The following TTBK1 variants were observed in gnomAD, a reference collection of about 807,000 sequenced individuals.
TTBK1 encodes tau tubulin kinase 1.
Under a neutral mutation model 108.5 loss-of-function variants are expected in TTBK1, and 34 were observed. The ratio of observed to expected loss-of-function variants is 0.31; its 90% confidence interval spans 0.24 to 0.42. The LOEUF is 0.42. Among genes scored for constraint, TTBK1 ranks in the 10% least tolerant of loss-of-function variants. The pLI, the probability that TTBK1 is intolerant of heterozygous loss-of-function variation, is 1.00. For missense variants in TTBK1, 1,539 were observed against 1,826.0 expected (o/e 0.84, Z 2.86); for synonymous variants, 809 against 795.1 (o/e 1.02, Z -0.29).
intron 13 of TTBK1, among the ~76,000 whole-genome samples, chr6:43,279,997 G>GGAGCTTTCTGAGAAAGCTTTCTAAGA (rs1778111643): frequency 1.5e-5 from 2 of 133,624 alleles, no homozygotes; most frequent in Non-Finnish European, 3.5e-5. Context: ...AGCCAGGTAG[G>GGAGCTTTCTGAGAAAGCTTTCTAAGA]GAGCTTTCTG....
rs539797080 is a variant in TTBK1, at chr6:43,286,863, C to G, written c.*1487C>G. 12 of 152,448 alleles carry G rather than the reference C, an allele frequency of 7.9e-5. No individual in the cohort carries two copies. The highest frequency in any genetic ancestry group is 2.9e-4 in the African/African-American group (12 of 41,590). The allele number at this position is 152,448 out of a possible 1,614,324, so 9.4% of individuals were successfully genotyped here. On this transcript the variant is annotated 3_prime_UTR_variant, in exon 15 of 15. Coordinates refer to ENST00000259750, the MANE Select transcript of TTBK1 (RefSeq NM_032538.3). This position sits in a 1 kb window ranked among gnomAD's most constrained non-coding sequence, Gnocchi z 4.6. The stretch of plus-strand genomic sequence containing the variant: ...CTGGACAGGCCCCTGCAGCCTCTGT[C>G]CCCTGGCCTAGCCTCTCTGTCCTTC...
chr6:43,282,591 T>C lies in TTBK1; in HGVS notation c.1987-136T>C. The C allele has an allele frequency of 1.4e-6, 1 of 715,250 alleles. No individual in the cohort carries two copies. Among genetic ancestry groups the C allele is most frequent in the Non-Finnish European group, 2.4e-6 (1 of 418,728 alleles). 44.3% of individuals were successfully genotyped at this position (715,250 alleles called of 1,614,324 possible). ...GTGAACAAGACAGACCCAGTGCCTG[T>C]GCTTAACTTTATGGAGCTCACACTC... On this transcript the variant is annotated intron_variant, in intron 13 of 14. Transcript: ENST00000259750. This position sits in a 1 kb window ranked among gnomAD's most constrained non-coding sequence, Gnocchi z 5.4.
intron 12 of TTBK1, among the ~76,000 whole-genome samples, chr6:43,260,444 G>T (rs1237346559): frequency 3.3e-5 from 5 of 152,194 alleles, no homozygotes; most frequent in Non-Finnish European, 5.9e-5. Context: ...ACCAGAAAAG[G>T]GGTCTCTTCC....
At chr6:43,264,871 C>T (rs1777636415) in intron 13 of TTBK1, among the ~76,000 whole-genome samples, 2 of 152,116 alleles carry the variant, frequency 1.3e-5, no homozygotes, top group Middle Eastern at 3.2e-3. Context: ...CTGGGAGAGC[C>T]CAGTCTGGCT....
intron 12 of TTBK1, among the ~76,000 whole-genome samples, chr6:43,261,104 A>G (rs1226892775): frequency 6.6e-6 from 1 of 152,172 alleles, no homozygotes; most frequent in Non-Finnish European, 1.5e-5. Flanking sequence ...TCTCTCAAGG[A>G]TGTTTTATTT....
chr6:43,270,199 G>A, intron 13 of TTBK1: 1 of 1,327,926 alleles, frequency 7.5e-7, no homozygotes, highest in Non-Finnish European at 9.6e-7. Flanking sequence ...GAGGGGTGGG[G>A]CTGGTGGTAC....
chr6:43,285,295 AC>A lies in TTBK1; in HGVS notation c.3888del (p.Arg1297GlufsTer86). Reference protein sequence around the residue: ...TPSPGGSKKGPRGKLQAQRAT... With the variant: ...TPSPGGSKKGXRGKLQAQRAT... ...CCTCCCCCGGGGGCTCCAAGAAAGG[AC>A]CCAGAGGGAAACTCCAGGCTCAGCG... On this transcript the variant is annotated frameshift_variant, in exon 15 of 15. Transcript: ENST00000259750. LOFTEE classifies it high-confidence loss of function. The surrounding 1 kb of genome is among the most constrained non-coding windows in gnomAD (Gnocchi z 4.7). 1 of 1,292,932 alleles carries A rather than the reference AC, an allele frequency of 7.7e-7. No homozygotes were observed. Among genetic ancestry groups the A allele is most frequent in the Non-Finnish European group, 9.8e-7 (1 of 1,024,798 alleles). The allele number at this position is 1,292,932 out of a possible 1,614,324, so 80.1% of individuals were successfully genotyped here.
At position 43,257,766 on chromosome 6, in the gene TTBK1, C is replaced by G. The variant is rs778125393; in HGVS notation, c.862-46C>G. 1.9e-6 allele frequency: 3 copies of G among 1,575,618 alleles called. No individual in the cohort carries two copies. The highest frequency in any genetic ancestry group is 2.6e-6 in the Non-Finnish European group (3 of 1,155,770). On this transcript the variant is annotated intron_variant, in intron 9 of 14. Coordinates refer to ENST00000259750, the MANE Select transcript of TTBK1 (RefSeq NM_032538.3). The surrounding 1 kb of genome is among the most constrained non-coding windows in gnomAD (Gnocchi z 4.5). ...GCAACTGCCCCTTCCTCCTGGCTAG[C>G]CCCCGGATCACCTCTCTGTCCTCCC... is the stretch of plus-strand genomic sequence containing the variant.
chr6:43,272,220 G>T, intron 13 of TTBK1: 5 of 985,464 alleles, frequency 5.1e-6, no homozygotes, highest in Non-Finnish European at 4.8e-6. Flanking sequence ...CCAATCTGGG[G>T]TTGGATGAAA....
At chr6:43,258,911 C>A in intron 10 of TTBK1, 127 bp from the exon 11 acceptor site, 1 of 652,022 alleles carries the variant, frequency 1.5e-6, no homozygotes, top group Non-Finnish European at 2.6e-6. Context: ...ACACTCTCAC[C>A]CCTGACGGGA....
Position 43,273,937 on chromosome 6 carries a change from G to C in TTBK1, c.1987-8790G>C, listed in dbSNP as rs1777896170. On this transcript the variant is annotated intron_variant, in intron 13 of 14. Coordinates refer to ENST00000259750, the MANE Select transcript of TTBK1 (RefSeq NM_032538.3). The surrounding 1 kb of genome is among the most constrained non-coding windows in gnomAD (Gnocchi z 4.2). ...TCAAAGGCGACAGTGTTCTTGCCCA[G>C]GAACTCGAACCTGGCCAGTGGGGAT... 6.6e-6 allele frequency among the ~76,000 whole-genome samples: 1 copy of C among 152,186 alleles called. No homozygotes were observed. The highest frequency in any genetic ancestry group is 1.5e-5 in the Non-Finnish European group (1 of 68,040).
rs1454420838 is a variant in TTBK1, at chr6:43,259,046, A to G, written c.1025A>G (p.Asn342Ser). 6 of 1,611,904 alleles carry G rather than the reference A, an allele frequency of 3.7e-6. No homozygotes were observed. Among genetic ancestry groups the G allele is most frequent in the South Asian group, 1.1e-5 (1 of 90,834 alleles). Residue 342 changes from asparagine to serine, a missense_variant, in exon 11 of 15, where the codon AAT (asparagine) becomes AGT (serine). By Grantham distance (46) the Asn-to-Ser change is conservative. Around this residue, in one of 5 missense-constraint regions of TTBK1, gnomAD observed 277 missense variants for 332.4 expected, o/e 0.83. Coordinates refer to ENST00000259750, the MANE Select transcript of TTBK1 (RefSeq NM_032538.3). This position sits in a 1 kb window ranked among gnomAD's most constrained non-coding sequence, Gnocchi z 6.7. ...RQTAAMFGVV[N>S]VTPVPGDLLR... ...CCTCCTGCCCTCTCCAGGGTGGTCA[A>G]TGTGACGCCAGTGCCTGGGGACCTG...
At position 43,284,042 on chromosome 6, in the gene TTBK1, T is replaced by C; in HGVS notation, c.3302T>C (p.Leu1101Pro). 2 of 1,551,428 alleles carry C rather than the reference T, an allele frequency of 1.3e-6. No homozygotes were observed. The highest frequency in any genetic ancestry group is 1.7e-6 in the Non-Finnish European group (2 of 1,146,898). ...RLVMEKRQGR[L>P]LLRLASGASS... Reference sequence around the variant, plus strand: ...GTGATGGAGAAGAGGCAGGGCCGCCTGCTGTTGCGGCTGGCCTCAGGGGCC... The same window carrying C: ...GTGATGGAGAAGAGGCAGGGCCGCCCGCTGTTGCGGCTGGCCTCAGGGGCC... Residue 1101 changes from leucine (L) to proline (P), a missense_variant, in exon 14 of 15, where the codon CTG (leucine) becomes CCG (proline). Physicochemically the swap from Leu to Pro is moderately conservative, Grantham distance 98. This residue lies in a region of TTBK1 where 1,055 missense variants were observed against 1,086.5 expected (regional missense o/e 0.97). Transcript: ENST00000259750.
In TTBK1 at chr6:43,263,372, A is replaced by C; in HGVS notation, c.1986+22A>C. On this transcript the variant is annotated intron_variant, in intron 13 of 14. Coordinates refer to ENST00000259750, the MANE Select transcript of TTBK1 (RefSeq NM_032538.3). The surrounding 1 kb of genome is among the most constrained non-coding windows in gnomAD (Gnocchi z 4.7). ...ACAGGTAAGGTTGGGCTTGCACCCCACTCCCCATCTCCAGATGCCCAGAGT... is the reference window on the plus strand; with the variant it reads ...ACAGGTAAGGTTGGGCTTGCACCCCCCTCCCCATCTCCAGATGCCCAGAGT... 6.9e-7 allele frequency: 1 copy of C among 1,445,084 alleles called. No individual in the cohort carries two copies. Among genetic ancestry groups the C allele is most frequent in the Non-Finnish European group, 9.1e-7 (1 of 1,095,028 alleles). 89.5% of individuals were successfully genotyped at this position (1,445,084 alleles called of 1,614,324 possible).
At position 43,271,144 on chromosome 6, in the gene TTBK1, G is replaced by A. The variant is rs1221269487; in HGVS notation, c.1986+7794G>A. 26 of 985,378 alleles carry A rather than the reference G, an allele frequency of 2.6e-5. No homozygotes were observed. The South Asian group carries it at 3.8e-4, about 14-fold the overall frequency. The allele number at this position is 985,378 out of a possible 1,614,324, so 61.0% of individuals were successfully genotyped here. On this transcript the variant is annotated intron_variant, in intron 13 of 14. Coordinates refer to ENST00000259750, the MANE Select transcript of TTBK1 (RefSeq NM_032538.3). ...GCACCTCTGTTCCCCTGGGGAATGC[G>A]GTAGTAGTGAAGTGGGTACTAGAAA... is the stretch of plus-strand genomic sequence containing the variant.
rs1778385806 is a variant in TTBK1 at position 43,286,476 on chromosome 6, C to T, written c.*1100C>T. ...TGGGGTCACCCTCCCTGTCCTCCCG[C>T]CTGTGGGAGGGAGGGAGGGCTGGCT... On this transcript the variant is annotated 3_prime_UTR_variant, in exon 15 of 15. Coordinates refer to ENST00000259750, the MANE Select transcript of TTBK1 (RefSeq NM_032538.3). This position sits in a 1 kb window ranked among gnomAD's most constrained non-coding sequence, Gnocchi z 4.6. The T allele has an allele frequency of 6.6e-6, 1 of 152,628 alleles. No individual in the cohort carries two copies. Among genetic ancestry groups the T allele is most frequent in the African/African-American group, 2.4e-5 (1 of 41,438 alleles). 9.5% of individuals were successfully genotyped at this position (152,628 alleles called of 1,614,324 possible).
intron 6 of TTBK1, 85 bp downstream of exon 6, chr6:43,254,736 C>A: frequency 7.8e-7 from 1 of 1,281,994 alleles, no homozygotes; most frequent in Non-Finnish European, 1.1e-6. Flanking sequence ...TTTCTTACAG[C>A]TGCCTAAGCT....
chr6:43,267,198 G>A (rs746550233), intron 13 of TTBK1, among the ~76,000 whole-genome samples: 4 of 152,208 alleles, frequency 2.6e-5, no homozygotes, highest in Admixed American at 6.5e-5. Context: ...GGGTGAAGCA[G>A]AGATCTTCCT....
Position 43,255,775 on chromosome 6 carries a change from G to A in TTBK1, c.780G>A (p.Leu260=). The change falls in exon 9 of 15, where the codon CTG becomes CTA. Residue 260 remains leucine (L), a synonymous_variant. Transcript: ENST00000259750. ...MIKEKYEHRM[L]LKHMPSEFHL... is the part of the protein sequence containing the mutation. ...AGGAGAAGTATGAGCACCGGATGCT[G>A]CTGAAGCACATGCCGTCAGAGTTCC... 1 of 1,614,162 alleles carries A rather than the reference G, an allele frequency of 6.2e-7. No individual in the cohort carries two copies. The highest frequency in any genetic ancestry group is 8.5e-7 in the Non-Finnish European group (1 of 1,180,042).
Sources: allele counts gnomAD v4.1 joint callset (sites outside exome capture counted in the v4.1 genomes callset), GRCh38; gene constraint gnomAD v4.1.1; regional missense constraint gnomAD v4.1.1; non-coding constraint Gnocchi (gnomAD v3.1); transcripts MANE v1.5; gene names NCBI Gene and HGNC (gene_info 2026-07-23, HGNC 2026-07-21).